SGCG: variants seen among roughly 807,000 people sequenced by gnomAD.
SGCG encodes gamma-sarcoglycan.
SGCG carries 26 observed loss-of-function variants against 29.3 expected under a neutral mutation model. The ratio of observed to expected loss-of-function variants is 0.89; its 90% CI spans 0.65 to 1.23. The LOEUF is 1.23. Ranked by LOEUF, SGCG falls within the 50% of genes most tolerant of loss-of-function variation. The pLI is 0.00. For missense variants in SGCG, 353 were observed against 356.0 expected, an observed-to-expected ratio of 0.99 and a Z score of 0.07; for synonymous variants, 145 against 129.7, an observed-to-expected ratio of 1.12 and a Z score of -0.80.
rs903178250 is a variant in SGCG at position 23,277,760 on chromosome 13, G to A, written c.386-1599G>A. ...GTCGCCCAGGCTGGAGTGCAGTGGCGTGATCTCGGCTCACTGCAAGCTCCG... is the reference window on the plus strand; with the variant it reads ...GTCGCCCAGGCTGGAGTGCAGTGGCATGATCTCGGCTCACTGCAAGCTCCG... On this transcript the variant is annotated intron_variant, in intron 4 of 7. Coordinates refer to ENST00000218867, the MANE Select transcript of SGCG (RefSeq NM_000231.3). 8.7e-5 allele frequency among the ~76,000 whole-genome samples: 13 copies of A among 148,892 alleles called. 1 individual carries two copies. The Middle Eastern group carries it at 0.01, about 118-fold the overall frequency.
chr13:23,191,984 GC>G (rs1877278864), intron 1 of SGCG, among the ~76,000 whole-genome samples: 1 of 151,966 alleles, frequency 6.6e-6, no homozygotes, highest in Admixed American at 6.6e-5. Context: ...GACCATCCTG[GC>G]TAACACGGCG....
At chr13:23,295,229 T>C (rs1364811146) in intron 5 of SGCG, among the ~76,000 whole-genome samples, 186 bp from the exon 6 acceptor site, 1 of 152,210 alleles carries the variant, frequency 6.6e-6, no homozygotes, top group African/African-American at 2.4e-5. Context: ...ATAATGAAAT[T>C]GTGATAGCCT....
chr13:23,321,091 C>T lies in SGCG; in HGVS notation c.702+331C>T, dbSNP rs117038274. On this transcript the variant is annotated intron_variant, in intron 7 of 7. Coordinates refer to ENST00000218867, the MANE Select transcript of SGCG (RefSeq NM_000231.3). ...ACAGAGAATGTCCATTTTGCCATTT[C>T]CTAGGGATGGCTGTCACTAGGAGTC... is the stretch of plus-strand genomic sequence containing the variant. Among the ~76,000 whole-genome samples the T allele has an allele frequency of 9.1e-3, 1,390 of 152,110 alleles. 12 individuals carry two copies. The highest frequency in any genetic ancestry group is 0.013 in the Non-Finnish European group (891 of 67,994).
At chr13:23,306,063 C>T (rs143501257) in intron 6 of SGCG, among the ~76,000 whole-genome samples, 3,408 of 152,122 alleles carry the variant, frequency 0.022, 77 homozygotes, top group Non-Finnish European at 0.027. Context: ...CAGGGTCTTG[C>T]TGTGTTGCCC....
At chr13:23,276,746 C>T (rs1056852482) in intron 4 of SGCG, among the ~76,000 whole-genome samples, 1 of 152,210 alleles carries the variant, frequency 6.6e-6, no homozygotes, top group African/African-American at 2.4e-5. Context: ...GAAGCATGAA[C>T]TCTTTCTTCC....
intron 1 of SGCG, among the ~76,000 whole-genome samples, chr13:23,185,591 C>T (rs894362442): frequency 1.3e-5 from 2 of 152,092 alleles, no homozygotes; most frequent in African/African-American, 4.8e-5. Context: ...TGTATTGGAA[C>T]CCATCTTGAA....
intron 6 of SGCG, among the ~76,000 whole-genome samples, chr13:23,315,106 C>T (rs546056827): frequency 6.6e-6 from 1 of 152,306 alleles, no homozygotes; most frequent in Admixed American, 6.5e-5. Context: ...CAGGCCCTTA[C>T]AGGTGAATCA....
intron 5 of SGCG, among the ~76,000 whole-genome samples, chr13:23,290,067 T>A (rs2137635047): frequency 6.6e-6 from 1 of 152,318 alleles, no homozygotes; most frequent in African/African-American, 2.4e-5. Flanking sequence ...GAATCGGGTG[T>A]ATGGCAGGCA....
At chr13:23,178,235 A>T (rs1228648359), upstream of SGCG, among the ~76,000 whole-genome samples, 3 of 152,120 alleles carry the variant, frequency 2.0e-5, no homozygotes, top group African/African-American at 7.2e-5. Context: ...GATGCCAGAG[A>T]AGGTGAATCT....
At chr13:23,201,938 T>C (rs1389094623) in intron 1 of SGCG, among the ~76,000 whole-genome samples, 1 of 152,130 alleles carries the variant, frequency 6.6e-6, no homozygotes, top group Non-Finnish European at 1.5e-5. Context: ...GGAATCAATA[T>C]AATAGAGGGA....
intron 4 of SGCG, among the ~76,000 whole-genome samples, chr13:23,254,348 A>G (rs997272603): frequency 6.6e-6 from 1 of 152,178 alleles, no homozygotes; most frequent in African/African-American, 2.4e-5. Flanking sequence ...GCCCTAGGAA[A>G]GAGCTTAGCT....
At chr13:23,262,334 A>G (rs78862779) in intron 4 of SGCG, among the ~76,000 whole-genome samples, 5,462 of 152,138 alleles carry the variant, frequency 0.036, 280 homozygotes, top group African/African-American at 0.11. Context: ...AATGGAAACC[A>G]CAAGTGAGAA....
intron 6 of SGCG, among the ~76,000 whole-genome samples, chr13:23,297,861 C>T (rs1200261667): frequency 2.0e-5 from 3 of 151,626 alleles, no homozygotes; most frequent in African/African-American, 7.3e-5. Context: ...TCTCCTGCCT[C>T]AGCCTCCTGA....
chr13:23,256,599 A>G (rs769081024), intron 4 of SGCG, among the ~76,000 whole-genome samples: 13 of 151,992 alleles, frequency 8.6e-5, no homozygotes, highest in African/African-American at 2.7e-4. Context: ...TCATTGTTCA[A>G]TTCACACCTA....
chr13:23,324,549 G>T lies in SGCG; in HGVS notation c.*8G>T. ...AACCACATCTGCCTCTGAGCTGCCT[G>T]CGTCCTCTCGGTGAGCTGTGCAGTG... is the stretch of plus-strand genomic sequence containing the variant. On this transcript the variant is annotated 3_prime_UTR_variant, in exon 8 of 8. Transcript: ENST00000218867. The T allele has an allele frequency of 6.2e-7, 1 of 1,607,956 alleles. No homozygotes were observed.
At chr13:23,204,886 T>G (rs1166395202) in intron 2 of SGCG, among the ~76,000 whole-genome samples, 7 of 151,932 alleles carry the variant, frequency 4.6e-5, no homozygotes, top group Admixed American at 4.6e-4. Flanking sequence ...ATGCAACTGT[T>G]TCTATCCCAC....
intron 1 of SGCG, among the ~76,000 whole-genome samples, chr13:23,182,793 C>T (rs1876794702): frequency 6.6e-6 from 1 of 152,156 alleles, no homozygotes; most frequent in South Asian, 2.1e-4. Flanking sequence ...GACAGGAGGG[C>T]TTGCTGTGCC....
intron 1 of SGCG, among the ~76,000 whole-genome samples, chr13:23,188,524 G>C (rs1017589688): frequency 7.2e-6 from 1 of 139,856 alleles, no homozygotes; most frequent in Non-Finnish European, 1.5e-5. Flanking sequence ...TCACCATGTT[G>C]GTCAGGCTGG....
intron 6 of SGCG, among the ~76,000 whole-genome samples, chr13:23,300,189 T>G (rs1882098967): frequency 6.6e-6 from 1 of 152,214 alleles, no homozygotes; most frequent in Non-Finnish European, 1.5e-5. Flanking sequence ...TACTACTGTG[T>G]GGATGGAAAC....
Sources: allele counts gnomAD v4.1 joint callset (sites outside exome capture counted in the v4.1 genomes callset), GRCh38; gene constraint gnomAD v4.1.1; transcripts MANE v1.5; gene names NCBI Gene and HGNC (gene_info 2026-07-23, HGNC 2026-07-21).